PDZD2: variants seen among roughly 807,000 people sequenced by gnomAD.
PDZD2 encodes the protein PDZ domain-containing protein 2.
Under a neutral mutation model 220.7 loss-of-function variants are expected in PDZD2, and 90 were observed. That is an observed-to-expected ratio of 0.41 (90% CI 0.34 to 0.49). The LOEUF (loss-of-function observed/expected upper bound fraction) is 0.49. PDZD2 is among the 20% of genes least tolerant of loss of function. The pLI is 0.28. For synonymous variants in PDZD2, 1,375 were observed against 1,450.5 expected (o/e 0.95, Z 1.18); for missense variants, 3,174 against 3,608.5 (o/e 0.88, Z 3.08).
At chr5:31,804,295 G>C (rs16899797) in intron 2 of PDZD2, among the ~76,000 whole-genome samples, 22,048 of 152,082 alleles carry the variant, frequency 0.14, 2,391 homozygotes, top group East Asian at 0.55. Context: ...TGGTCTTCAT[G>C]AAAGAGAGCT....
intron 2 of PDZD2, among the ~76,000 whole-genome samples, chr5:31,907,430 A>T (rs1477933823): frequency 6.6e-6 from 1 of 152,182 alleles, no homozygotes; most frequent in East Asian, 1.9e-4. Flanking sequence ...AGCCCTTATC[A>T]CATTGGGGAT....
intron 1 of PDZD2, among the ~76,000 whole-genome samples, chr5:31,743,273 C>T (rs1750379884): frequency 6.6e-6 from 1 of 151,840 alleles, no homozygotes; most frequent in South Asian, 2.1e-4. Context: ...TTCCCGGGCT[C>T]AGGTGATCCT....
At chr5:32,095,984 C>A (rs1450671857) in intron 21 of PDZD2, among the ~76,000 whole-genome samples, 1 of 150,904 alleles carries the variant, frequency 6.6e-6, no homozygotes, top group Non-Finnish European at 1.5e-5. Flanking sequence ...ACCATGTGAA[C>A]CACCTGCCTC....
chr5:31,947,392 T>C (rs1746741299), intron 2 of PDZD2, among the ~76,000 whole-genome samples: 1 of 152,246 alleles, frequency 6.6e-6, no homozygotes, highest in Non-Finnish European at 1.5e-5. Context: ...ACCATCCTGA[T>C]GCTTCCACAG....
At chr5:32,062,393 ATTT>A (rs35709661) in intron 14 of PDZD2, among the ~76,000 whole-genome samples, 12 of 141,260 alleles carry the variant, frequency 8.5e-5, no homozygotes, top group East Asian at 2.1e-4. Flanking sequence ...TCAAGACTAA[ATTT>A]TTTTTTTTTT....
rs1385913596 is a variant in PDZD2 at position 31,989,416 on chromosome 5, C to CTTT, written c.978+5762_978+5764dup. Reference sequence around the variant, plus strand: ...TATTCTGTGGTATATACCACATTTTCTTTTCTTTTTTTTTTTTTTTTTTTG... The same window carrying CTTT: ...TATTCTGTGGTATATACCACATTTTCTTTTTTTCTTTTTTTTTTTTTTTTTTTG... On this transcript the variant is annotated intron_variant, in intron 3 of 24. Coordinates refer to ENST00000438447, the MANE Select transcript of PDZD2 (RefSeq NM_178140.4). Among the ~76,000 whole-genome samples the CTTT allele has an allele frequency of 2.1e-4, 25 of 120,632 alleles. 1 individual carries two copies. The highest frequency in any genetic ancestry group is 6.0e-4 in the African/African-American group (17 of 28,336). The allele number at this position is 120,632 out of a possible 152,430, so 79.1% of individuals were successfully genotyped here. A position where few individuals can be genotyped will look rare whatever the true frequency, so the allele number is the denominator to read the frequency against.
intron 2 of PDZD2, among the ~76,000 whole-genome samples, chr5:31,856,636 A>C (rs982022924): frequency 1.3e-5 from 2 of 152,144 alleles, no homozygotes; most frequent in African/African-American, 4.8e-5. Flanking sequence ...CCTGGCACGT[A>C]GTAGCGCTTC....
intron 1 of PDZD2, among the ~76,000 whole-genome samples, chr5:31,683,163 C>G (rs966703216): frequency 2.1e-5 from 3 of 143,866 alleles, no homozygotes; most frequent in Non-Finnish European, 3.0e-5. Flanking sequence ...CAGGCTGCTT[C>G]CAACAGAGCC....
Position 32,087,408 on chromosome 5 carries a change from G to A in PDZD2, c.3960G>A (p.Val1320=), listed in dbSNP as rs1742586047. 3.7e-6 allele frequency: 6 copies of A among 1,614,136 alleles called. No homozygotes were observed. The highest frequency in any genetic ancestry group is 1.1e-5 in the South Asian group (1 of 91,076). The change falls in exon 20 of 25, where the codon GTG becomes GTA. Residue 1320 remains valine, a synonymous_variant. Coordinates refer to ENST00000438447, the MANE Select transcript of PDZD2 (RefSeq NM_178140.4). The surrounding 1 kb of genome is among the most constrained non-coding windows in gnomAD (Gnocchi z 4.0). ...GCACACCCCACAATACCAGGAGGGT[G>A]GCTGCCCTCAGGGGAGCGGGACCTG... ...ETSTPHNTRR[V]AALRGAGPGA...
chr5:31,758,367 G>C (rs772544310), intron 1 of PDZD2, among the ~76,000 whole-genome samples: 1 of 152,188 alleles, frequency 6.6e-6, no homozygotes, highest in East Asian at 1.9e-4. Flanking sequence ...AGCCTTACAG[G>C]CCAGGGAGGT....
Position 32,108,065 on chromosome 5 carries a change from G to A in PDZD2, c.8450G>A (p.Trp2817Ter). Reference protein sequence around the residue: ...PLVGLMHFDAWNIMKSVPEGP... With the variant: ...PLVGLMHFDA ...GTTGGGCTCATGCACTTTGATGCCT[G>A]GAATATTATGAAGTCTGTCCCAGAA... is the stretch of plus-strand genomic sequence containing the variant. The change falls in exon 25 of 25, where the codon TGG becomes TAG. Residue 2817 changes from tryptophan (W) to a stop codon, truncating the protein, a stop_gained. Coordinates refer to ENST00000438447, the MANE Select transcript of PDZD2 (RefSeq NM_178140.4). LOFTEE classifies it high-confidence loss of function. 6.2e-7 allele frequency: 1 copy of A among 1,610,596 alleles called. No homozygotes were observed. The highest frequency in any genetic ancestry group is 8.5e-7 in the Non-Finnish European group (1 of 1,176,824).
chr5:31,750,359 C>T (rs1326468360), intron 1 of PDZD2, among the ~76,000 whole-genome samples: 1 of 152,188 alleles, frequency 6.6e-6, no homozygotes, highest in African/African-American at 2.4e-5. Context: ...TTGGGCAGGG[C>T]CCTACAGATT....
chr5:32,006,641 T>TAATG (rs1362596002), intron 5 of PDZD2, among the ~76,000 whole-genome samples: 3 of 151,444 alleles, frequency 2.0e-5, no homozygotes, highest in Non-Finnish European at 4.4e-5. Context: ...ACTCCCAAGG[T>TAATG]AATGGGATTA....
chr5:31,816,817 A>G (rs555736191), intron 2 of PDZD2, among the ~76,000 whole-genome samples: 1 of 152,350 alleles, frequency 6.6e-6, no homozygotes, highest in Non-Finnish European at 1.5e-5. Flanking sequence ...ATCATAATCA[A>G]TGCCACTAAC....
At chr5:31,702,087 T>TATCCCCAAC (rs1289627926) in intron 1 of PDZD2, among the ~76,000 whole-genome samples, 2 of 152,382 alleles carry the variant, frequency 1.3e-5, no homozygotes, top group South Asian at 2.1e-4. Flanking sequence ...GCTGTCTCTC[T>TATCCCCAAC]ATCCCCAACA....
chr5:31,794,039 T>G lies in PDZD2; in HGVS notation c.-360-4850T>G, dbSNP rs1580768693. On this transcript the variant is annotated intron_variant, in intron 1 of 24. Coordinates refer to ENST00000438447, the MANE Select transcript of PDZD2 (RefSeq NM_178140.4). ...TTTCAGCCAGTTCTTACAGCTCATG[T>G]GCAGGGAGTTTTAGTTTTCAGCAAG... 5.9e-5 allele frequency among the ~76,000 whole-genome samples: 9 copies of G among 152,300 alleles called. 2 individuals are homozygous for G. Among genetic ancestry groups the G allele is most frequent in the Admixed American group, 5.9e-4 (9 of 15,300 alleles).
intron 2 of PDZD2, among the ~76,000 whole-genome samples, chr5:31,947,530 A>G (rs973525571): frequency 3.9e-5 from 6 of 152,214 alleles, no homozygotes; most frequent in Non-Finnish European, 1.5e-5. Context: ...TACAAAGTTG[A>G]TATGAAAATC....
intron 2 of PDZD2, among the ~76,000 whole-genome samples, chr5:31,958,266 T>G (rs1414431651): frequency 7.2e-5 from 11 of 152,132 alleles, no homozygotes. Flanking sequence ...TTTGTTTTTT[T>G]TTTTTGAGAC....
intron 1 of PDZD2, among the ~76,000 whole-genome samples, chr5:31,660,641 T>A (rs1338401424): frequency 2.0e-5 from 3 of 152,162 alleles, no homozygotes; most frequent in African/African-American, 7.2e-5. Context: ...TGGGGGTAAC[T>A]GCTGCCATGA....
Sources: allele counts gnomAD v4.1 joint callset (sites outside exome capture counted in the v4.1 genomes callset), GRCh38; gene constraint gnomAD v4.1.1; non-coding constraint Gnocchi (gnomAD v3.1); transcripts MANE v1.5; gene names NCBI Gene and HGNC (gene_info 2026-07-23, HGNC 2026-07-21).